Variants in CHRM2 observed in about 807,000 individuals in gnomAD.
The protein encoded by CHRM2 is muscarinic acetylcholine receptor M2.
Under a neutral mutation model 25.0 loss-of-function variants are expected in CHRM2, and 8 were observed. The observed-to-expected ratio is 0.32, with a 90% CI of 0.19 to 0.58. The LOEUF is 0.58. Among genes scored for constraint, CHRM2 ranks in the 20% least tolerant of loss-of-function variants. The pLI is 0.88. For missense variants in CHRM2, 440 were observed against 567.1 expected, an observed-to-expected ratio of 0.78 and a Z score of 2.28; for synonymous variants, 202 against 205.7, an observed-to-expected ratio of 0.98 and a Z score of 0.15.
At chr7:136,940,902 T>G (rs1799733912) in intron 2 of CHRM2, among the ~76,000 whole-genome samples, 1 of 152,170 alleles carries the variant, frequency 6.6e-6, no homozygotes, top group African/African-American at 2.4e-5. Context: ...CTGTCACAAC[T>G]GGGGACATTT....
chr7:137,003,900 A>C (rs1444651684), intron 3 of CHRM2, among the ~76,000 whole-genome samples: 1 of 152,044 alleles, frequency 6.6e-6, no homozygotes, highest in East Asian at 1.9e-4. Flanking sequence ...ATGATTTGAT[A>C]AGGGGCTTTT....
intron 2 of CHRM2, among the ~76,000 whole-genome samples, chr7:136,969,191 G>A (rs924161368): frequency 6.6e-6 from 1 of 151,948 alleles, no homozygotes; most frequent in Non-Finnish European, 1.5e-5. Flanking sequence ...TTTTTAAAAA[G>A]ACAACATGGT....
At chr7:136,888,037 C>G (rs561684087) in intron 2 of CHRM2, among the ~76,000 whole-genome samples, 1 of 152,250 alleles carries the variant, frequency 6.6e-6, no homozygotes, top group African/African-American at 2.4e-5. Flanking sequence ...CTCCTGTGAG[C>G]CCTGAGGGGA....
At chr7:136,904,570 A>T (rs1277655666) in intron 2 of CHRM2, among the ~76,000 whole-genome samples, 1 of 151,332 alleles carries the variant, frequency 6.6e-6, no homozygotes, top group Non-Finnish European at 1.5e-5. Context: ...TTTATTACTT[A>T]TCTTACTTTT....
intron 2 of CHRM2, among the ~76,000 whole-genome samples, chr7:136,976,038 T>A (rs1172349426): frequency 1.3e-5 from 2 of 152,110 alleles, no homozygotes; most frequent in African/African-American, 2.4e-5. Context: ...TCCAAAGAAG[T>A]TAAATTATAA....
At chr7:137,010,490 G>A (rs973631881) in intron 3 of CHRM2, among the ~76,000 whole-genome samples, 10 of 151,918 alleles carry the variant, frequency 6.6e-5, no homozygotes, top group East Asian at 1.9e-4. Flanking sequence ...CTATGATGCC[G>A]CAACACATCT....
rs1225181655 is a variant in CHRM2 at position 136,981,388 on chromosome 7, A to C, written c.-124-10799A>C. Among the ~76,000 whole-genome samples, 6 of 152,180 alleles carry C rather than the reference A, an allele frequency of 3.9e-5. No homozygotes were observed. In the East Asian group the frequency reaches 5.8e-4, roughly 15 times the overall value. ...ATCTATTTTGTTAATCTTTTCAAAA[A>C]CCAGCTCCTGGATTCAATGAATTTT... On this transcript the variant is annotated intron_variant, in intron 2 of 3. Transcript: ENST00000680005.
intron 3 of CHRM2, among the ~76,000 whole-genome samples, chr7:137,010,323 A>T (rs1804718837): frequency 6.6e-6 from 1 of 152,090 alleles, no homozygotes; most frequent in South Asian, 2.1e-4. Context: ...TTTCCATAGT[A>T]CTTCCAGGCC....
chr7:136,990,702 C>A (rs1227067413), intron 2 of CHRM2, among the ~76,000 whole-genome samples: 1 of 152,106 alleles, frequency 6.6e-6, no homozygotes, highest in East Asian at 1.9e-4. Context: ...TTTGTGTGGA[C>A]ATGTTTTTAA....
At chr7:136,972,792 G>T (rs1381459817) in intron 2 of CHRM2, among the ~76,000 whole-genome samples, 1 of 116,032 alleles carries the variant, frequency 8.6e-6, no homozygotes, top group African/African-American at 3.2e-5. Flanking sequence ...GATGGTGGCA[G>T]GTGACGATGG....
intron 2 of CHRM2, among the ~76,000 whole-genome samples, chr7:136,958,975 C>T (rs1254652613): frequency 1.3e-5 from 2 of 152,096 alleles, no homozygotes; most frequent in African/African-American, 2.4e-5. Flanking sequence ...CTGAGGCCCA[C>T]CAGTTTGTCT....
chr7:136,870,283 G>A (rs1171296092), intron 2 of CHRM2: 1 of 152,320 alleles, frequency 6.6e-6, no homozygotes, highest in Non-Finnish European at 1.5e-5. Flanking sequence ...CCGCACCTGA[G>A]GTCCCAGGCA....
At chr7:137,010,150 G>A (rs556690279) in intron 3 of CHRM2, among the ~76,000 whole-genome samples, 10 of 152,136 alleles carry the variant, frequency 6.6e-5, no homozygotes, top group African/African-American at 2.4e-4. Flanking sequence ...TGAGGTTCAC[G>A]AAATTTAAAT....
At chr7:136,881,232 T>C (rs1796254974) in intron 2 of CHRM2, among the ~76,000 whole-genome samples, 2 of 151,194 alleles carry the variant, frequency 1.3e-5, no homozygotes, top group African/African-American at 4.9e-5. Flanking sequence ...CAGTATGTAG[T>C]TTTTTAGAAT....
intron 2 of CHRM2, among the ~76,000 whole-genome samples, chr7:136,877,449 C>G (rs920489021): frequency 4.6e-5 from 7 of 151,878 alleles, no homozygotes; most frequent in Admixed American, 6.6e-5. Flanking sequence ...TCCTTTCATT[C>G]GTTTAATATC....
intron 2 of CHRM2, among the ~76,000 whole-genome samples, chr7:136,896,440 G>A (rs1796905436): frequency 6.6e-6 from 1 of 152,206 alleles, no homozygotes; most frequent in African/African-American, 2.4e-5. Flanking sequence ...CGCTCTGAAG[G>A]ATTTTTTCTA....
chr7:136,980,066 C>A (rs1162304666), intron 2 of CHRM2, among the ~76,000 whole-genome samples: 1 of 152,156 alleles, frequency 6.6e-6, no homozygotes, highest in Non-Finnish European at 1.5e-5. Context: ...ATTGATTCTT[C>A]CTATCCATGA....
intron 2 of CHRM2, among the ~76,000 whole-genome samples, chr7:136,892,827 G>A (rs1392406018): frequency 2.0e-5 from 3 of 151,804 alleles, no homozygotes; most frequent in African/African-American, 7.3e-5. Flanking sequence ...ATGCCACCAC[G>A]CCTGGCTAAT....
At chr7:136,880,483 C>A (rs1315409440) in intron 2 of CHRM2, among the ~76,000 whole-genome samples, 1 of 151,812 alleles carries the variant, frequency 6.6e-6, no homozygotes, top group African/African-American at 2.4e-5. Flanking sequence ...TTATTTCTCC[C>A]AAATTCCTGA....
Sources: allele counts gnomAD v4.1 joint callset (sites outside exome capture counted in the v4.1 genomes callset), GRCh38; gene constraint gnomAD v4.1.1; transcripts MANE v1.5; gene names NCBI Gene and HGNC (gene_info 2026-07-23, HGNC 2026-07-21).